Variants in LRP5 observed in about 807,000 individuals in gnomAD.
LRP5 encodes low-density lipoprotein receptor-related protein 5.
In LRP5, 62 loss-of-function variants were observed where a neutral mutation model predicts 154.1. The observed-to-expected ratio is 0.40, with a 90% CI of 0.33 to 0.50. The LOEUF is 0.50. LRP5 is among the 20% of genes least tolerant of loss of function. The probability of loss-of-function intolerance (pLI) is 0.55; values close to 1 mark genes in which losing one functional copy is unlikely to be tolerated. For synonymous variants in LRP5, 966 were observed against 1,011.5 expected (o/e 0.96, Z 0.85); for missense variants, 1,915 against 2,336.7 (o/e 0.82, Z 3.72).
chr11:68,404,220 AAGGTGAC>A lies in LRP5; in HGVS notation c.1801+524_1801+530del. 4.1e-6 allele frequency: 2 copies of A among 485,924 alleles called. 1 individual carries two copies. Among genetic ancestry groups the A allele is most frequent in the South Asian group, 3.3e-5 (2 of 61,222 alleles). 30.1% of individuals were successfully genotyped at this position (485,924 alleles called of 1,614,324 possible). On this transcript the variant is annotated intron_variant, in intron 8 of 22. Transcript: ENST00000294304. ...GCACAATGATTTGTCTCTTCCTGAA[AAGGTGAC>A]AGAGTTACACTGGAGAGAGCAGCAT...
chr11:68,337,325 A>G (rs1390505578), intron 1 of LRP5, among the ~76,000 whole-genome samples: 6 of 152,078 alleles, frequency 3.9e-5, no homozygotes, highest in South Asian at 2.1e-4. Flanking sequence ...GGGTGTGAGG[A>G]GGTGTGCAGG....
chr11:68,341,379 G>T (rs1014354700), intron 1 of LRP5, among the ~76,000 whole-genome samples: 1 of 151,994 alleles, frequency 6.6e-6, no homozygotes, highest in Non-Finnish European at 1.5e-5. Context: ...AGGCTCCAAG[G>T]TGCAGCCTCA....
At chr11:68,318,005 T>C (rs920937689) in intron 1 of LRP5, among the ~76,000 whole-genome samples, 2 of 152,078 alleles carry the variant, frequency 1.3e-5, no homozygotes, top group African/African-American at 4.8e-5. Flanking sequence ...TAATTTAATA[T>C]ATATATTTTA....
intron 13 of LRP5, 141 bp downstream of exon 13, chr11:68,416,668 G>A: frequency 2.6e-6 from 2 of 774,304 alleles, no homozygotes; most frequent in Non-Finnish European, 4.4e-6. Context: ...CTTCGATTAT[G>A]TAGTCACAGG....
At position 68,386,534 on chromosome 11, in the gene LRP5, A is replaced by G; in HGVS notation, c.1234A>G (p.Asn412Asp). 2 of 1,613,888 alleles carry G rather than the reference A, an allele frequency of 1.2e-6. No homozygotes were observed. Among genetic ancestry groups the G allele is most frequent in the Non-Finnish European group, 1.7e-6 (2 of 1,179,968 alleles). ...CGGGTCTGGGGCGCAGACGCTGGTC[A>G]ACACCGAGATCAACGACCCCGATGG... Reference protein sequence around the residue: ...LDGSGAQTLVNTEINDPDGIA... With the variant: ...LDGSGAQTLVDTEINDPDGIA... Residue 412 changes from asparagine (N) to aspartate (D), a missense_variant, in exon 6 of 23, where the codon AAC (asparagine) becomes GAC (aspartate). Asn to Asp is a conservative substitution (Grantham distance 23). Transcript: ENST00000294304. This position sits in a 1 kb window ranked among gnomAD's most constrained non-coding sequence, Gnocchi z 7.9.
intron 1 of LRP5, among the ~76,000 whole-genome samples, chr11:68,332,469 C>T (rs2098603431): frequency 6.6e-6 from 1 of 152,188 alleles, no homozygotes; most frequent in Non-Finnish European, 1.5e-5. Context: ...CCATGCCTGC[C>T]CTGAGGAGGT....
At chr11:68,345,640 A>G (rs923033729) in intron 1 of LRP5, among the ~76,000 whole-genome samples, 6 of 152,202 alleles carry the variant, frequency 3.9e-5, no homozygotes, top group Non-Finnish European at 5.9e-5. Context: ...AGGTGTATGC[A>G]TATCTGATTG....
Position 68,363,744 on chromosome 11 carries a change from C to T in LRP5, c.687-3C>T. ...CTCCTCCACCCCGCTTCCCTGACTG[C>T]AGGCAGAAGGTGGTGGAGGGCAGCC... On this transcript the variant is annotated splice_polypyrimidine_tract_variant and splice_region_variant and intron_variant, in intron 3 of 22. Coordinates refer to ENST00000294304, the MANE Select transcript of LRP5 (RefSeq NM_002335.4). 6.2e-7 allele frequency: 1 copy of T among 1,611,696 alleles called. No homozygotes were observed. Among genetic ancestry groups the T allele is most frequent in the Non-Finnish European group, 8.5e-7 (1 of 1,179,300 alleles).
intron 1 of LRP5, among the ~76,000 whole-genome samples, chr11:68,332,138 C>A (rs1428944457): frequency 6.6e-6 from 1 of 152,184 alleles, no homozygotes; most frequent in African/African-American, 2.4e-5. Context: ...CCCTGAGCTC[C>A]TCCGCTCTTG....
chr11:68,347,171 C>G (rs1020848378), intron 1 of LRP5, among the ~76,000 whole-genome samples: 1 of 152,156 alleles, frequency 6.6e-6, no homozygotes, highest in Non-Finnish European at 1.5e-5. Context: ...GGCACTGGCA[C>G]AGGGAGCTGT....
chr11:68,425,325 C>G, intron 15 of LRP5, 33 bp downstream of exon 15: 1 of 1,584,320 alleles, frequency 6.3e-7, no homozygotes, highest in Non-Finnish European at 8.5e-7. Flanking sequence ...TAACCGCAGA[C>G]ACCCGGCCTT....
chr11:68,439,834 G>C lies in LRP5; in HGVS notation c.4406G>C (p.Gly1469Ala), dbSNP rs2098677171. 6.2e-7 allele frequency: 1 copy of C among 1,611,232 alleles called. No homozygotes were observed. Among genetic ancestry groups the C allele is most frequent in the East Asian group, 2.2e-5 (1 of 44,824 alleles). Residue 1469 changes from glycine (G) to alanine (A), a missense_variant, in exon 21 of 23, where the codon GGG becomes GCG. Around this residue, in one of 3 missense-constraint regions of LRP5, gnomAD observed 1,094 missense variants for 1,210.1 expected, o/e 0.90. Coordinates refer to ENST00000294304, the MANE Select transcript of LRP5 (RefSeq NM_002335.4). ...GTGAGCCTGATGGGGGGCCGGGGCG[G>C]GGTGCCCCTCTACGACCGGAACCAC... ...SSVSLMGGRG[G>A]VPLYDRNHVT...
chr11:68,412,574 G>GGTT (rs2098660196), intron 11 of LRP5, among the ~76,000 whole-genome samples: 1 of 151,990 alleles, frequency 6.6e-6, no homozygotes. Context: ...GAGCCCAGGA[G>GGTT]GTTGAGGTTG....
Position 68,347,747 on chromosome 11 carries a change from A to G in LRP5, c.92-100A>G, listed in dbSNP as rs2098614344. 3 of 1,405,074 alleles carry G rather than the reference A, an allele frequency of 2.1e-6. No homozygotes were observed. The Admixed American group carries it at 5.0e-5, about 24-fold the overall frequency. 87.0% of individuals were successfully genotyped at this position (1,405,074 alleles called of 1,614,324 possible). On this transcript the variant is annotated intron_variant, in intron 1 of 22. Transcript: ENST00000294304. Reference sequence around the variant, plus strand: ...GGAACTGGAGGTCTTGGGCATGGGCAGGGCAGTACCAGGAGTGCTCTGGGC... The same window carrying G: ...GGAACTGGAGGTCTTGGGCATGGGCGGGGCAGTACCAGGAGTGCTCTGGGC...
rs756379371 is a variant in LRP5 at position 68,426,082 on chromosome 11, G to A, written c.3532G>A (p.Glu1178Lys). 3.7e-5 allele frequency: 59 copies of A among 1,613,486 alleles called. No homozygotes were observed. Among genetic ancestry groups the A allele is most frequent in the Admixed American group, 5.0e-5 (3 of 60,008 alleles). Reference protein sequence around the residue: ...YWIDRQQQMIERVEKTTGDKR... With the variant: ...YWIDRQQQMIKRVEKTTGDKR... ...GATCGACCGCCAGCAGCAGATGATC[G>A]AGCGTGTGGAGAAGACCACCGGGGA... The change falls in exon 16 of 23, where the codon GAG becomes AAG. Residue 1178 changes from glutamate (E) to lysine (K), a missense_variant. Physicochemically the swap from Glu to Lys is moderately conservative, Grantham distance 56. Around this residue, in one of 3 missense-constraint regions of LRP5, gnomAD observed 1,094 missense variants for 1,210.1 expected, o/e 0.90. Coordinates refer to ENST00000294304, the MANE Select transcript of LRP5 (RefSeq NM_002335.4).
intron 13 of LRP5, among the ~76,000 whole-genome samples, chr11:68,418,742 C>A (rs1261052073): frequency 2.0e-5 from 3 of 152,194 alleles, no homozygotes; most frequent in Non-Finnish European, 4.4e-5. Context: ...CCTGGAGCTT[C>A]TCTCCTGGGC....
chr11:68,329,839 C>T (rs773721131), intron 1 of LRP5, among the ~76,000 whole-genome samples: 1 of 152,174 alleles, frequency 6.6e-6, no homozygotes, highest in African/African-American at 2.4e-5. Context: ...GGCCTTGGGC[C>T]GCTTCCGGGG....
intron 21 of LRP5, among the ~76,000 whole-genome samples, chr11:68,445,886 C>T (rs1280257829): frequency 6.6e-6 from 1 of 152,234 alleles, no homozygotes; most frequent in Non-Finnish European, 1.5e-5. Context: ...TGGCCCCTCC[C>T]TCAGCGTGGT....
chr11:68,304,265 T>C, the LRP5 span, among the ~76,000 whole-genome samples: 1 of 152,238 alleles, frequency 6.6e-6, no homozygotes, highest in Non-Finnish European at 1.5e-5. Context: ...CAAAGGGCCA[T>C]AGTCACAGCT....
Sources: allele counts gnomAD v4.1 joint callset (sites outside exome capture counted in the v4.1 genomes callset), GRCh38; gene constraint gnomAD v4.1.1; regional missense constraint gnomAD v4.1.1; non-coding constraint Gnocchi (gnomAD v3.1); transcripts MANE v1.5; gene names NCBI Gene and HGNC (gene_info 2026-07-23, HGNC 2026-07-21).